EZH1: variants seen among roughly 807,000 people sequenced by gnomAD.
EZH1 encodes the protein histone-lysine N-methyltransferase EZH1.
Under a neutral mutation model 100.5 loss-of-function variants are expected in EZH1, and 33 were observed. The ratio of observed to expected loss-of-function variants is 0.33; its 90% CI spans 0.25 to 0.44. The LOEUF (loss-of-function observed/expected upper bound fraction) is 0.44. Among genes scored for constraint, EZH1 ranks in the 20% least tolerant of loss-of-function variants. The probability of loss-of-function intolerance (pLI) is 1.00; values close to 1 mark genes in which losing one functional copy is unlikely to be tolerated. For missense variants in EZH1, 475 were observed against 928.4 expected (o/e 0.51, Z 6.35); for synonymous variants, 272 against 313.8 (o/e 0.87, Z 1.41).
chr17:42,722,374 C>T (rs1021402489), intron 6 of EZH1, among the ~76,000 whole-genome samples: 3 of 151,642 alleles, frequency 2.0e-5, no homozygotes, highest in African/African-American at 4.8e-5. Context: ...CCTATAATCC[C>T]AGCACTTTAG....
intron 4 of EZH1, among the ~76,000 whole-genome samples, chr17:42,724,799 A>G (rs1221689277): frequency 6.6e-6 from 1 of 151,924 alleles, no homozygotes; most frequent in Non-Finnish European, 1.5e-5. Context: ...AAAAAGAGAA[A>G]AAAAATGATC....
intron 6 of EZH1, among the ~76,000 whole-genome samples, chr17:42,721,293 T>C (rs1014693969): frequency 2.6e-5 from 4 of 152,220 alleles, no homozygotes; most frequent in African/African-American, 4.8e-5. Flanking sequence ...TATGAAGTGA[T>C]GGAGAGCCTC....
At chr17:42,741,481 A>G (rs1185470409) in intron 1 of EZH1, among the ~76,000 whole-genome samples, 1 of 152,176 alleles carries the variant, frequency 6.6e-6, no homozygotes, top group East Asian at 1.9e-4. Flanking sequence ...AAGTGCTGGG[A>G]TTACAGCTGT....
At chr17:42,735,930 G>A (rs1257411935) in intron 1 of EZH1, among the ~76,000 whole-genome samples, 1 of 152,088 alleles carries the variant, frequency 6.6e-6, no homozygotes, top group East Asian at 1.9e-4. Flanking sequence ...GGTTGCAGTG[G>A]GCCAAAATCG....
intron 1 of EZH1, among the ~76,000 whole-genome samples, chr17:42,733,092 C>A (rs2053986125): frequency 6.6e-6 from 1 of 150,810 alleles, no homozygotes; most frequent in Non-Finnish European, 1.5e-5. Flanking sequence ...AATCCCAGCA[C>A]TCTGAAAGGC....
At chr17:42,744,810 G>T (rs2054249107) in intron 1 of EZH1, among the ~76,000 whole-genome samples, 1 of 151,028 alleles carries the variant, frequency 6.6e-6, no homozygotes, top group Admixed American at 6.6e-5. Flanking sequence ...GTCCTCGCCT[G>T]GGTCTCTCTC....
At chr17:42,719,382 G>T (rs893504803) in intron 7 of EZH1, among the ~76,000 whole-genome samples, 175 bp from the exon 8 acceptor site, 4 of 152,164 alleles carry the variant, frequency 2.6e-5, no homozygotes, top group Non-Finnish European at 5.9e-5. Context: ...TCTGATATAT[G>T]CTACCAGTAA....
intron 3 of EZH1, among the ~76,000 whole-genome samples, chr17:42,728,391 G>C (rs1381238085): frequency 1.3e-5 from 2 of 150,452 alleles, no homozygotes; most frequent in African/African-American, 4.9e-5. Context: ...TGGGATTACA[G>C]GTGTGAGCCA....
intron 10 of EZH1, 137 bp downstream of exon 10, chr17:42,717,839 C>T: frequency 2.8e-6 from 2 of 701,912 alleles, no homozygotes; most frequent in Non-Finnish European, 4.9e-6. Context: ...AGCGGTCCCA[C>T]AGTAACTGGG....
intron 7 of EZH1, among the ~76,000 whole-genome samples, 174 bp from the exon 8 acceptor site, chr17:42,719,381 T>C (rs192346124): frequency 3.3e-5 from 5 of 152,350 alleles, no homozygotes; most frequent in African/African-American, 9.6e-5. Flanking sequence ...ATCTGATATA[T>C]GCTACCAGTA....
intron 18 of EZH1, among the ~76,000 whole-genome samples, chr17:42,704,101 AC>A (rs1414639615): frequency 1.3e-5 from 2 of 152,096 alleles, no homozygotes; most frequent in Non-Finnish European, 2.9e-5. Context: ...TACAAACAGA[AC>A]CCAGAAATGG....
At chr17:42,744,706 C>A (rs1304924077) in intron 1 of EZH1, among the ~76,000 whole-genome samples, 2 of 151,900 alleles carry the variant, frequency 1.3e-5, no homozygotes, top group Non-Finnish European at 2.9e-5. Context: ...TCCCGCCCAC[C>A]GGCCCACACC....
intron 16 of EZH1, 64 bp downstream of exon 16, chr17:42,705,943 T>C (rs568678381): frequency 9.6e-6 from 14 of 1,459,682 alleles, no homozygotes; most frequent in Admixed American, 7.0e-5. Context: ...AAGAGAATGC[T>C]TGGGACCGTT....
chr17:42,708,104 G>T (rs755942610), intron 14 of EZH1, 21 bp from the exon 15 acceptor site: 7 of 1,581,136 alleles, frequency 4.4e-6, no homozygotes, highest in Non-Finnish European at 6.0e-6. Flanking sequence ...AAACAGAGGA[G>T]GATGCTGCTG....
intron 4 of EZH1, 34 bp from the exon 5 acceptor site, chr17:42,724,458 A>T: frequency 6.2e-7 from 1 of 1,608,824 alleles, no homozygotes; most frequent in Non-Finnish European, 8.5e-7. Flanking sequence ...AGAGGGAAAG[A>T]CGGGCATATA....
intron 20 of EZH1, 21 bp downstream of exon 20, chr17:42,702,856 G>A: frequency 6.2e-7 from 1 of 1,612,564 alleles, no homozygotes; most frequent in Non-Finnish European, 8.5e-7. Flanking sequence ...CACATCCCAA[G>A]GACCATTACT....
chr17:42,708,167 A>G (rs1047060542), intron 14 of EZH1, 84 bp from the exon 15 acceptor site: 11 of 1,476,794 alleles, frequency 7.4e-6, no homozygotes, highest in Non-Finnish European at 1.0e-5. Flanking sequence ...GCCCTGATTC[A>G]GAGGAGGCTG....
intron 1 of EZH1, among the ~76,000 whole-genome samples, chr17:42,740,848 A>G (rs1411436613): frequency 6.6e-6 from 1 of 152,242 alleles, no homozygotes; most frequent in Non-Finnish European, 1.5e-5. Context: ...AAAACACACT[A>G]AAGGTACTGA....
chr17:42,717,913 T>C lies in EZH1; in HGVS notation c.1023+63A>G, dbSNP rs576900531. Reference sequence around the variant, plus strand: ...ATATGACCCCCAGAGTGCTGTGTACTGGCTCACGTGGCTTGTGTTCCCAGA... The same window carrying C: ...ATATGACCCCCAGAGTGCTGTGTACCGGCTCACGTGGCTTGTGTTCCCAGA... On this transcript the variant is annotated intron_variant, in intron 10 of 20. Transcript: ENST00000428826. The C allele has an allele frequency of 4.7e-5, 68 of 1,439,412 alleles. No homozygotes were observed. In the East Asian group the frequency reaches 1.1e-3, roughly 23 times the overall value. 89.2% of individuals were successfully genotyped at this position (1,439,412 alleles called of 1,614,324 possible). A position where few individuals can be genotyped will look rare whatever the true frequency, so the allele number is the denominator to read the frequency against.
Sources: allele counts gnomAD v4.1 joint callset (sites outside exome capture counted in the v4.1 genomes callset), GRCh38; gene constraint gnomAD v4.1.1; transcripts MANE v1.5; gene names NCBI Gene and HGNC (gene_info 2026-07-23, HGNC 2026-07-21).